The following POLR1B variants were observed in gnomAD, a reference collection of about 807,000 sequenced individuals.
The protein encoded by POLR1B is DNA-directed RNA polymerase I subunit RPA2.
Under a neutral mutation model 105.8 loss-of-function variants are expected in POLR1B, and 30 were observed. That is an observed-to-expected ratio of 0.28 (90% CI 0.21 to 0.38). POLR1B has a LOEUF of 0.38. Among genes scored for constraint, POLR1B ranks in the 10% least tolerant of loss-of-function variants. The probability of loss-of-function intolerance (pLI) is 1.00; values close to 1 mark genes in which losing one functional copy is unlikely to be tolerated. For missense variants in POLR1B, 976 were observed against 1,435.8 expected, an observed-to-expected ratio of 0.68 and a Z score of 5.17; for synonymous variants, 485 against 505.1, an observed-to-expected ratio of 0.96 and a Z score of 0.53.
At chr2:112,555,883 A>G (rs964017229) in intron 7 of POLR1B, among the ~76,000 whole-genome samples, 12 of 152,274 alleles carry the variant, frequency 7.9e-5, no homozygotes, top group African/African-American at 2.9e-4. Context: ...TTAAAAATTC[A>G]CATTGTATTT....
Position 112,551,952 on chromosome 2 carries a change from G to C in POLR1B, c.940G>C (p.Val314Leu). 6.2e-7 allele frequency: 1 copy of C among 1,614,212 alleles called. No individual in the cohort carries two copies. The highest frequency in any genetic ancestry group is 8.5e-7 in the Non-Finnish European group (1 of 1,180,040). The part of the protein sequence containing the change: ...LGECFRVKLN[V>L]PDWYPNEQAA... ...TGAATGCTTCAGAGTAAAACTCAAT[G>C]TTCCTGACTGGTACCCAAATGAGCA... is the stretch of plus-strand genomic sequence containing the variant. The change falls in exon 6 of 15, where the codon GTT becomes CTT. Residue 314 changes from valine to leucine, a missense_variant. This residue lies in a region of POLR1B where 452 missense variants were observed against 616.5 expected (regional missense o/e 0.73). Coordinates refer to ENST00000263331, the MANE Select transcript of POLR1B (RefSeq NM_019014.6).
chr2:112,547,586 G>C lies in POLR1B; in HGVS notation c.492+19G>C. 6.2e-7 allele frequency: 1 copy of C among 1,611,920 alleles called. No individual in the cohort carries two copies. On this transcript the variant is annotated intron_variant, in intron 3 of 14. Coordinates refer to ENST00000263331, the MANE Select transcript of POLR1B (RefSeq NM_019014.6). The stretch of plus-strand genomic sequence containing the variant: ...GGCAGAGGTAATGACGGGCGTCCAG[G>C]CATGAGACAGTAGAGAAGGCCTGGG...
chr2:112,564,280 C>G (rs1469842802), intron 9 of POLR1B, 86 bp from the exon 10 acceptor site: 4 of 1,488,936 alleles, frequency 2.7e-6, no homozygotes, highest in East Asian at 2.3e-5. Flanking sequence ...TGAACTGATA[C>G]AGCAGCTGTT....
chr2:112,549,527 G>C (rs1381392701), intron 4 of POLR1B, 128 bp downstream of exon 4: 22 of 749,976 alleles, frequency 2.9e-5, no homozygotes, highest in Non-Finnish European at 4.3e-5. Context: ...GGTAGGGATG[G>C]GGTTTCACCA....
chr2:112,554,930 C>T (rs956673467), intron 7 of POLR1B, among the ~76,000 whole-genome samples: 3 of 152,156 alleles, frequency 2.0e-5, no homozygotes, highest in Non-Finnish European at 4.4e-5. Flanking sequence ...CCTATAATCC[C>T]AGCACTTTGA....
At chr2:112,568,268 C>A in intron 11 of POLR1B, 131 bp downstream of exon 11, 1 of 916,804 alleles carries the variant, frequency 1.1e-6, no homozygotes, top group Non-Finnish European at 1.6e-6. Flanking sequence ...GAAAGAAAGT[C>A]AGACTTTCCA....
Position 112,564,395 on chromosome 2 carries a change from C to T in POLR1B, c.1642C>T (p.Arg548Ter). The T allele has an allele frequency of 6.2e-7, 1 of 1,614,204 alleles. No homozygotes were observed. Among genetic ancestry groups the T allele is most frequent in the Non-Finnish European group, 8.5e-7 (1 of 1,180,036 alleles). Residue 548 changes from arginine (R) to a stop codon, truncating the protein, a stop_gained, in exon 10 of 15, where the codon CGA becomes TGA. Coordinates refer to ENST00000263331, the MANE Select transcript of POLR1B (RefSeq NM_019014.6). LOFTEE classifies it high-confidence loss of function. ...CACTCCCATTGATGGAGCTCCCCAC[C>T]GATCATACAGTGAGTGCTACCCTGT... ...GVTPIDGAPH[R>*]SYSECYPVLL...
chr2:112,542,948 G>A (rs1326743293), intron 1 of POLR1B, among the ~76,000 whole-genome samples: 1 of 152,174 alleles, frequency 6.6e-6, no homozygotes, highest in Non-Finnish European at 1.5e-5. Flanking sequence ...TGAGGAAGTG[G>A]CTTATCTGGG....
chr2:112,565,279 C>A (rs1325773178), intron 10 of POLR1B, among the ~76,000 whole-genome samples: 1 of 152,150 alleles, frequency 6.6e-6, no homozygotes, highest in Non-Finnish European at 1.5e-5. Context: ...ATGGGACCCC[C>A]CTGTATACAC....
chr2:112,552,160 C>A (rs1277402025), intron 6 of POLR1B, among the ~76,000 whole-genome samples, 162 bp downstream of exon 6: 3 of 152,008 alleles, frequency 2.0e-5, no homozygotes, highest in Non-Finnish European at 4.4e-5. Context: ...TTTTTGCGGC[C>A]CTCCTCACTT....
chr2:112,561,270 A>T lies in POLR1B; in HGVS notation c.1612+1696A>T, dbSNP rs543273164. 1.8e-4 allele frequency among the ~76,000 whole-genome samples: 27 copies of T among 152,302 alleles called. No homozygotes were observed. The East Asian group carries it at 4.2e-3, about 24-fold the overall frequency. Reference sequence around the variant, plus strand: ...AAGAGAAAGTGGAGAGGTAGAAAGTATATCCAACTGCAGAAAAAGAGATGG... The same window carrying T: ...AAGAGAAAGTGGAGAGGTAGAAAGTTTATCCAACTGCAGAAAAAGAGATGG... On this transcript the variant is annotated intron_variant, in intron 9 of 14. Coordinates refer to ENST00000263331, the MANE Select transcript of POLR1B (RefSeq NM_019014.6).
intron 9 of POLR1B, among the ~76,000 whole-genome samples, chr2:112,563,179 C>T (rs1020762137): frequency 1.4e-4 from 22 of 151,736 alleles, no homozygotes; most frequent in African/African-American, 4.8e-4. Flanking sequence ...CTCAGCCTCC[C>T]GAGTAGCTGG....
chr2:112,547,913 G>A (rs1219199963), intron 3 of POLR1B, among the ~76,000 whole-genome samples: 3 of 151,866 alleles, frequency 2.0e-5, no homozygotes, highest in African/African-American at 7.3e-5. Context: ...TCTGGGCATG[G>A]TGGTGGCATG....
chr2:112,550,839 T>C (rs774623134), intron 4 of POLR1B, 27 bp from the exon 5 acceptor site: 2 of 1,610,038 alleles, frequency 1.2e-6, no homozygotes, highest in Non-Finnish European at 1.7e-6. Flanking sequence ...AATGAGTTTC[T>C]GATTTTTTTG....
In POLR1B at chr2:112,547,108, A is replaced by G. The variant is rs778153612; in HGVS notation, c.274A>G (p.Ile92Val). The G allele has an allele frequency of 9.9e-6, 16 of 1,614,118 alleles. No individual in the cohort carries two copies. The highest frequency in any genetic ancestry group is 1.4e-5 in the Non-Finnish European group (16 of 1,180,042). Reference protein sequence around the residue: ...ISPPTVPKGTICKEANVYPAE... With the variant: ...ISPPTVPKGTVCKEANVYPAE... ...TCCACCTACAGTTCCAAAAGGGACC[A>G]TCTGCAAAGAGGCCAATGTTTATCC... is the stretch of plus-strand genomic sequence containing the variant. The change falls in exon 2 of 15, where the codon ATC (isoleucine) becomes GTC (valine). Residue 92 changes from isoleucine (I) to valine (V), a missense_variant. Ile to Val is a conservative substitution (Grantham distance 29). Coordinates refer to ENST00000263331, the MANE Select transcript of POLR1B (RefSeq NM_019014.6).
chr2:112,568,644 TG>T, intron 11 of POLR1B, 101 bp from the exon 12 acceptor site: 1 of 1,318,020 alleles, frequency 7.6e-7, no homozygotes, highest in African/African-American at 1.5e-5. Context: ...TGGGTGGGGA[TG>T]GTTTTCTCTT....
rs147424834 is a variant in POLR1B, at chr2:112,551,319, G to A, written c.762+317G>A. Among the ~76,000 whole-genome samples the A allele has an allele frequency of 4.3e-3, 656 of 152,312 alleles. 4 individuals are homozygous for A. The highest frequency in any genetic ancestry group is 0.015 in the African/African-American group (631 of 41,574). On this transcript the variant is annotated intron_variant, in intron 5 of 14. Transcript: ENST00000263331. ...GCTCACTCACATGGCTGGCAAATCTGCTGGTTGGTGGCAGGAGGTCTCCTC... is the reference window on the plus strand; with the variant it reads ...GCTCACTCACATGGCTGGCAAATCTACTGGTTGGTGGCAGGAGGTCTCCTC...
At chr2:112,570,841 C>T (rs1026474094) in intron 12 of POLR1B, among the ~76,000 whole-genome samples, 1 of 150,002 alleles carries the variant, frequency 6.7e-6, no homozygotes, top group Non-Finnish European at 1.5e-5. Context: ...TGCAGTGGCA[C>T]GATCTTGGCT....
At chr2:112,555,470 A>G (rs932241313) in intron 7 of POLR1B, among the ~76,000 whole-genome samples, 1 of 152,098 alleles carries the variant, frequency 6.6e-6, no homozygotes, top group Non-Finnish European at 1.5e-5. Context: ...CCCAGAGACA[A>G]AACTTCGTCT....
Sources: allele counts gnomAD v4.1 joint callset (sites outside exome capture counted in the v4.1 genomes callset), GRCh38; gene constraint gnomAD v4.1.1; regional missense constraint gnomAD v4.1.1; transcripts MANE v1.5; gene names NCBI Gene and HGNC (gene_info 2026-07-23, HGNC 2026-07-21).